Variants in APBA1 observed in about 807,000 individuals in gnomAD.
APBA1 encodes amyloid-beta A4 precursor protein-binding family A member 1.
In APBA1, 55 loss-of-function variants were observed where a neutral mutation model predicts 86.6. The ratio of observed to expected loss-of-function variants is 0.64; its 90% CI spans 0.51 to 0.80. The LOEUF (loss-of-function observed/expected upper bound fraction) is 0.80. Ranked by LOEUF, APBA1 falls within the 30% of genes least tolerant of loss-of-function variation. The pLI is 0.00. For synonymous variants in APBA1, 511 were observed against 493.9 expected (o/e 1.03, Z -0.46); for missense variants, 1,090 against 1,183.0 (o/e 0.92, Z 1.15).
chr9:69,432,467 G>A (rs1375801162), intron 12 of APBA1, 69 bp downstream of exon 12: 34 of 1,392,912 alleles, frequency 2.4e-5, no homozygotes, highest in Middle Eastern at 2.1e-4. Context: ...TCAGGGCCAC[G>A]GTGAGCATAC....
intron 1 of APBA1, among the ~76,000 whole-genome samples, chr9:69,666,372 T>C (rs1167260605): frequency 1.3e-5 from 2 of 152,172 alleles, no homozygotes; most frequent in African/African-American, 2.4e-5. Flanking sequence ...GACCATACTA[T>C]ATAAACTAAT....
At chr9:69,548,335 G>T (rs976581784) in intron 1 of APBA1, among the ~76,000 whole-genome samples, 9 of 152,176 alleles carry the variant, frequency 5.9e-5, no homozygotes, top group African/African-American at 1.7e-4. Context: ...AAAGGACAGA[G>T]CCCTGCCGAC....
At chr9:69,618,438 C>A (rs1008100107) in intron 1 of APBA1, among the ~76,000 whole-genome samples, 9 of 152,156 alleles carry the variant, frequency 5.9e-5, no homozygotes, top group Admixed American at 2.0e-4. Flanking sequence ...CCAACCAACT[C>A]AAAGCTCACA....
intron 11 of APBA1, among the ~76,000 whole-genome samples, chr9:69,434,849 G>C (rs1489960386): frequency 6.6e-6 from 1 of 151,836 alleles, no homozygotes; most frequent in Non-Finnish European, 1.5e-5. Context: ...CAACGTGCAG[G>C]TTTGTTACAT....
intron 1 of APBA1, among the ~76,000 whole-genome samples, chr9:69,619,847 T>A (rs1322911468): frequency 1.3e-5 from 2 of 152,210 alleles, no homozygotes; most frequent in Non-Finnish European, 2.9e-5. Context: ...GAGATGCACA[T>A]ACACACACAT....
chr9:69,446,251 C>T (rs926121961), intron 10 of APBA1, among the ~76,000 whole-genome samples: 1 of 152,132 alleles, frequency 6.6e-6, no homozygotes, highest in African/African-American at 2.4e-5. Context: ...AGTGGTTACA[C>T]CTCCCACCAG....
rs542774328 is a variant in APBA1 at position 69,460,616 on chromosome 9, A to G, written c.1483-2428T>C. The G allele has an allele frequency of 2.6e-5, 4 of 152,284 alleles. No individual in the cohort carries two copies. The South Asian group carries it at 8.3e-4, about 32-fold the overall frequency. The allele number at this position is 152,284 out of a possible 1,614,324, so 9.4% of individuals were successfully genotyped here. On this transcript the variant is annotated intron_variant, in intron 5 of 12. Coordinates refer to ENST00000265381, the MANE Select transcript of APBA1 (RefSeq NM_001163.4). ...GGAACCGATTTGAAATAACTCTTTC[A>G]AAAGGAAATAGGTTCCACCATCACT...
intron 1 of APBA1, among the ~76,000 whole-genome samples, chr9:69,559,321 A>C (rs1341105646): frequency 2.0e-5 from 3 of 152,232 alleles, no homozygotes; most frequent in Non-Finnish European, 2.9e-5. Flanking sequence ...TGAATCTTGC[A>C]TATGTAAGCA....
intron 11 of APBA1, among the ~76,000 whole-genome samples, chr9:69,436,765 A>G (rs1171413896): frequency 6.6e-6 from 1 of 152,060 alleles, no homozygotes; most frequent in African/African-American, 2.4e-5. Context: ...AATGCCCTTT[A>G]TTTCCTTCTC....
chr9:69,455,303 G>C (rs1835077300), intron 8 of APBA1, among the ~76,000 whole-genome samples: 2 of 152,142 alleles, frequency 1.3e-5, no homozygotes, highest in South Asian at 2.1e-4. Flanking sequence ...CTCAGGGGGT[G>C]GGTGAGTTTT....
At chr9:69,550,885 A>C (rs1404582249) in intron 1 of APBA1, among the ~76,000 whole-genome samples, 1 of 152,216 alleles carries the variant, frequency 6.6e-6, no homozygotes, top group Non-Finnish European at 1.5e-5. Context: ...TTTATTGGAC[A>C]TCTCATGGAT....
chr9:69,554,123 A>C (rs1836826953), intron 1 of APBA1, among the ~76,000 whole-genome samples: 1 of 152,222 alleles, frequency 6.6e-6, no homozygotes, highest in Admixed American at 6.5e-5. Flanking sequence ...GAAAAAAGCA[A>C]CATATTCAAA....
chr9:69,630,490 G>T (rs558171144), intron 1 of APBA1, among the ~76,000 whole-genome samples: 4 of 152,030 alleles, frequency 2.6e-5, no homozygotes, highest in Non-Finnish European at 5.9e-5. Flanking sequence ...TTCCTTCTCA[G>T]CTACATTTCT....
At chr9:69,622,095 GA>G in intron 1 of APBA1, among the ~76,000 whole-genome samples, 1 of 152,326 alleles carries the variant, frequency 6.6e-6, no homozygotes, top group Admixed American at 6.5e-5. Flanking sequence ...CCCAGACTCT[GA>G]AATTATCTCA....
At chr9:69,441,204 T>C (rs1834816869) in intron 10 of APBA1, 89 bp from the exon 11 acceptor site, 4 of 1,479,826 alleles carry the variant, frequency 2.7e-6, no homozygotes, top group Non-Finnish European at 3.6e-6. Context: ...CAAAAGAAGC[T>C]GCACTGAGTC....
chr9:69,506,043 A>G (rs1232990220), intron 2 of APBA1, among the ~76,000 whole-genome samples: 1 of 151,704 alleles, frequency 6.6e-6, no homozygotes, highest in South Asian at 2.1e-4. Context: ...GAAGAAAAAA[A>G]AAAGAAAAGG....
At chr9:69,540,986 T>C (rs1021889258) in intron 1 of APBA1, among the ~76,000 whole-genome samples, 2 of 152,224 alleles carry the variant, frequency 1.3e-5, no homozygotes, top group Non-Finnish European at 2.9e-5. Flanking sequence ...CTTAGCATAA[T>C]GTCCTATAGG....
At chr9:69,633,620 C>G (rs1823095094) in intron 1 of APBA1, among the ~76,000 whole-genome samples, 1 of 152,182 alleles carries the variant, frequency 6.6e-6, no homozygotes, top group Non-Finnish European at 1.5e-5. Flanking sequence ...GGTACTCCAT[C>G]TCTCAAATGA....
chr9:69,517,846 T>C (rs1836193107), intron 1 of APBA1, among the ~76,000 whole-genome samples: 1 of 152,210 alleles, frequency 6.6e-6, no homozygotes, highest in South Asian at 2.1e-4. Context: ...ACGGTGTGAC[T>C]GGACTCATTT....
Sources: allele counts gnomAD v4.1 joint callset (sites outside exome capture counted in the v4.1 genomes callset), GRCh38; gene constraint gnomAD v4.1.1; transcripts MANE v1.5; gene names NCBI Gene and HGNC (gene_info 2026-07-23, HGNC 2026-07-21).